The following GAD1 variants were observed in gnomAD, a reference collection of about 807,000 sequenced individuals.
The protein encoded by GAD1 is 67 kDa glutamic acid decarboxylase.
A neutral mutation model predicts 75.2 loss-of-function variants in GAD1; 35 were observed. The observed-to-expected ratio is 0.47, with a 90% confidence interval of 0.36 to 0.62. The LOEUF is 0.62. Ranked by LOEUF, GAD1 falls within the 20% of genes least tolerant of loss-of-function variation. GAD1 has a pLI of 0.00. For synonymous variants in GAD1, 257 were observed against 271.9 expected, an observed-to-expected ratio of 0.95 and a Z score of 0.54; for missense variants, 490 against 758.5, an observed-to-expected ratio of 0.65 and a Z score of 4.16.
intron 5 of GAD1, among the ~76,000 whole-genome samples, chr2:170,831,552 C>T (rs993743229): frequency 4.1e-5 from 6 of 147,372 alleles, no homozygotes; most frequent in African/African-American, 7.5e-5. Context: ...CTCAGGAGTT[C>T]GAGACCAGCC....
At chr2:170,837,544 C>T (rs1296530301) in intron 6 of GAD1, among the ~76,000 whole-genome samples, 1 of 152,194 alleles carries the variant, frequency 6.6e-6, no homozygotes, top group Non-Finnish European at 1.5e-5. Context: ...CCAGATTTTC[C>T]TCTACATGCA....
chr2:170,828,229 TTCTGCTGTCCTCACCCCTCCTCTC>T (rs1559271848), intron 3 of GAD1, among the ~76,000 whole-genome samples: 2 of 58,130 alleles, frequency 3.4e-5, no homozygotes, highest in African/African-American at 9.7e-5. Flanking sequence ...CCCCTCCTCT[TTCTGCTGTCCTCACCCCTCCTCTC>T]TCTGCTGTCC....
chr2:170,814,394 C>G (rs115365410), upstream of GAD1, among the ~76,000 whole-genome samples: 3,789 of 152,298 alleles, frequency 0.025, 73 homozygotes, highest in Non-Finnish European at 0.038. Context: ...TGCCCTACCT[C>G]AAAACTCAGT....
At chr2:170,816,250 T>G (rs1030578252), upstream of GAD1, 2 of 152,408 alleles carry the variant, frequency 1.3e-5, no homozygotes, top group Non-Finnish European at 2.9e-5. Flanking sequence ...TGGGTAGCTG[T>G]GGCCAGGTGT....
intron 1 of GAD1, chr2:170,817,404 G>T (rs781565569): frequency 6.6e-6 from 1 of 152,292 alleles, no homozygotes; most frequent in Non-Finnish European, 1.5e-5. Flanking sequence ...AGCCGAAGGC[G>T]CTACTAGGAA....
chr2:170,843,799 A>G (rs1702574084), intron 6 of GAD1: 4 of 505,352 alleles, frequency 7.9e-6, no homozygotes, highest in Non-Finnish European at 1.4e-5. Flanking sequence ...TTCAGATAAG[A>G]ATCTATTTTG....
At chr2:170,830,828 C>A in intron 4 of GAD1, 122 bp from the exon 5 acceptor site, 2 of 1,264,556 alleles carry the variant, frequency 1.6e-6, no homozygotes, top group Non-Finnish European at 2.2e-6. Flanking sequence ...TCTCAGTGCA[C>A]ATACATATCC....
intron 2 of GAD1, among the ~76,000 whole-genome samples, chr2:170,819,867 C>T (rs1457584086): frequency 2.0e-5 from 3 of 152,164 alleles, no homozygotes; most frequent in Admixed American, 2.0e-4. Context: ...TACCGGAAAG[C>T]CCCTTTAGAC....
chr2:170,849,375 TC>T (rs1196633177), intron 12 of GAD1, 25 bp downstream of exon 12: 2 of 1,609,818 alleles, frequency 1.2e-6, no homozygotes, highest in African/African-American at 2.7e-5. Flanking sequence ...TCGCCAGGCC[TC>T]CTTCCACCCA....
chr2:170,834,919 G>A (rs1702334673), intron 5 of GAD1, among the ~76,000 whole-genome samples: 1 of 151,880 alleles, frequency 6.6e-6, no homozygotes, highest in South Asian at 2.1e-4. Flanking sequence ...ATAGGTGCAC[G>A]CCACCATGCC....
In GAD1 at chr2:170,860,029, G is replaced by A; in HGVS notation, c.*147G>A. On this transcript the variant is annotated 3_prime_UTR_variant, in exon 17 of 17. Coordinates refer to ENST00000358196, the MANE Select transcript of GAD1 (RefSeq NM_000817.3). ...GAATATTGTTAAAACCTTACTTAAA[G>A]CTTGTTTGTTCTAGTTAGCAGGAAA... 2 of 818,230 alleles carry A rather than the reference G, an allele frequency of 2.4e-6. No homozygotes were observed. 50.7% of individuals were successfully genotyped at this position (818,230 alleles called of 1,614,324 possible). A position where few individuals can be genotyped will look rare whatever the true frequency, so the allele number is the denominator to read the frequency against.
At chr2:170,840,633 A>G (rs1416422001) in intron 6 of GAD1, among the ~76,000 whole-genome samples, 1 of 101,928 alleles carries the variant, frequency 9.8e-6, no homozygotes, top group Non-Finnish European at 2.0e-5. Context: ...GGAAGGGAGG[A>G]AGGGAGGAAA....
At chr2:170,825,245 A>T (rs894232320) in intron 3 of GAD1, among the ~76,000 whole-genome samples, 4 of 152,064 alleles carry the variant, frequency 2.6e-5, no homozygotes, top group African/African-American at 9.7e-5. Context: ...AAAATTAGCC[A>T]GGTGTGGTGG....
intron 3 of GAD1, among the ~76,000 whole-genome samples, chr2:170,826,115 ATATAT>A (rs769559864): frequency 7.2e-5 from 11 of 152,064 alleles, no homozygotes; most frequent in African/African-American, 1.5e-4. Context: ...ATGTGACAAT[ATATAT>A]TATATGTTTA....
chr2:170,831,591 CAT>C (rs60168203), intron 5 of GAD1, among the ~76,000 whole-genome samples: 32 of 64,698 alleles, frequency 4.9e-4, no homozygotes, highest in African/African-American at 1.6e-3. Context: ...CTTGTCTCTA[CAT>C]ATGTGTGTGT....
intron 14 of GAD1, among the ~76,000 whole-genome samples, chr2:170,855,309 A>G (rs1486853164): frequency 2.0e-5 from 3 of 151,434 alleles, no homozygotes; most frequent in Non-Finnish European, 1.5e-5. Flanking sequence ...CCCAGATTCA[A>G]GCAGTTCTCC....
chr2:170,826,608 C>T (rs550165246), intron 3 of GAD1, among the ~76,000 whole-genome samples: 2 of 150,842 alleles, frequency 1.3e-5, no homozygotes, highest in Non-Finnish European at 2.9e-5. Flanking sequence ...GATCGTTTCT[C>T]AGCCTCATGA....
intron 4 of GAD1, among the ~76,000 whole-genome samples, chr2:170,830,368 C>T (rs1284657838): frequency 6.6e-6 from 1 of 152,240 alleles, no homozygotes; most frequent in Non-Finnish European, 1.5e-5. Flanking sequence ...CACCCAAAGT[C>T]ACCTCTGGAT....
At chr2:170,852,477 A>AAT (rs1702764662) in intron 12 of GAD1, 2 of 561,926 alleles carry the variant, frequency 3.6e-6, no homozygotes, top group Non-Finnish European at 6.4e-6. Flanking sequence ...TAAGACATAT[A>AAT]ATAAGTTATT....
Sources: allele counts gnomAD v4.1 joint callset (sites outside exome capture counted in the v4.1 genomes callset), GRCh38; gene constraint gnomAD v4.1.1; transcripts MANE v1.5; gene names NCBI Gene and HGNC (gene_info 2026-07-23, HGNC 2026-07-21).